Variants in TUSC3 observed in about 807,000 individuals in gnomAD.
The protein encoded by TUSC3 is tumor suppressor candidate 3, also known as dolichyl-diphosphooligosaccharide--protein glycosyltransferase subunit TUSC3.
A neutral mutation model predicts 44.8 loss-of-function variants in TUSC3; 45 were observed. That is an observed-to-expected ratio of 1.00 (90% CI 0.79 to 1.29). The LOEUF (loss-of-function observed/expected upper bound fraction) is 1.29. Among genes scored for constraint, TUSC3 ranks in the 50% most tolerant of loss-of-function variants. The pLI, the probability that TUSC3 is intolerant of heterozygous loss-of-function variation, is 0.00. For missense variants in TUSC3, 519 were observed against 437.9 expected, an observed-to-expected ratio of 1.19 and a Z score of -1.65; for synonymous variants, 212 against 152.9, an observed-to-expected ratio of 1.39 and a Z score of -2.85.
At chr8:15,842,387 G>C in the TUSC3 span, among the ~76,000 whole-genome samples, 18,227 of 152,112 alleles carry the variant, frequency 0.12, 1,220 homozygotes, top group Admixed American at 0.21. Flanking sequence ...ACTTGATATT[G>C]TACACAAAGC....
intron 3 of TUSC3, 34 bp downstream of exon 3, chr8:15,650,848 T>C: frequency 6.3e-7 from 1 of 1,583,952 alleles, no homozygotes; most frequent in Admixed American, 1.7e-5. Flanking sequence ...ATATTTAACA[T>C]AGTTGTTTGT....
chr8:15,564,299 A>C (rs1802585523), intron 1 of TUSC3, among the ~76,000 whole-genome samples: 2 of 152,164 alleles, frequency 1.3e-5, no homozygotes, highest in Non-Finnish European at 1.5e-5. Context: ...TTTCTCTAAC[A>C]GCTAAAATAA....
Position 15,672,572 on chromosome 8 carries a change from TATG to T in TUSC3, c.709-1172_709-1170del, listed in dbSNP as rs1450060895. Among the ~76,000 whole-genome samples the T allele has an allele frequency of 1.5e-4, 23 of 152,104 alleles. 1 individual carries two copies. The Middle Eastern group carries it at 0.01, about 67-fold the overall frequency. ...TTTATAAGCCTCCATTCCCAAGTAT[TATG>T]ATAAAATTCTAGGCAAGGTACTTTA... On this transcript the variant is annotated intron_variant, in intron 5 of 10. Transcript: ENST00000503731.
chr8:15,536,136 AG>A, upstream of TUSC3, among the ~76,000 whole-genome samples: 1 of 152,326 alleles, frequency 6.6e-6, no homozygotes, highest in Non-Finnish European at 1.5e-5. Flanking sequence ...GTTCCAACAA[AG>A]GGAACAGCAG....
chr8:15,618,159 G>A (rs1344351123), intron 1 of TUSC3, among the ~76,000 whole-genome samples: 1 of 152,122 alleles, frequency 6.6e-6, no homozygotes, highest in African/African-American at 2.4e-5. Flanking sequence ...AGTCAGTAGC[G>A]GTGAGTGAGT....
chr8:15,840,899 G>A, the TUSC3 span, among the ~76,000 whole-genome samples: 2 of 152,158 alleles, frequency 1.3e-5, no homozygotes, highest in Non-Finnish European at 2.9e-5. Context: ...AATGGCAAAT[G>A]CAGTGCTCAT....
At chr8:15,443,347 TG>T (rs1800046288) in intron 1 of TUSC3, among the ~76,000 whole-genome samples, 1 of 117,242 alleles carries the variant, frequency 8.5e-6, no homozygotes, top group South Asian at 3.0e-4. Context: ...TGTGTGTGTG[TG>T]TGTGTGTGTG....
At chr8:15,550,151 C>T (rs923912714) in intron 1 of TUSC3, among the ~76,000 whole-genome samples, 2 of 151,732 alleles carry the variant, frequency 1.3e-5, no homozygotes, top group African/African-American at 2.4e-5. Context: ...CCGATTAGGT[C>T]AGGGGTCGTT....
chr8:15,418,920 C>A (rs548790683), intron 1 of TUSC3, among the ~76,000 whole-genome samples: 1 of 152,124 alleles, frequency 6.6e-6, no homozygotes. Context: ...ATAGGAGGAT[C>A]ACATGAGCCC....
intron 1 of TUSC3, among the ~76,000 whole-genome samples, chr8:15,466,957 G>T (rs1800422752): frequency 6.6e-6 from 1 of 151,938 alleles, no homozygotes; most frequent in South Asian, 2.1e-4. Flanking sequence ...TAGTTCCTGA[G>T]TACAGTATTT....
At chr8:15,843,320 A>G in the TUSC3 span, among the ~76,000 whole-genome samples, 3 of 152,164 alleles carry the variant, frequency 2.0e-5, no homozygotes, top group Non-Finnish European at 4.4e-5. Context: ...CGTTTGGAAA[A>G]GCTGGTGGAA....
chr8:15,585,327 C>G (rs751641168), intron 1 of TUSC3, among the ~76,000 whole-genome samples: 1 of 152,128 alleles, frequency 6.6e-6, no homozygotes, highest in Non-Finnish European at 1.5e-5. Context: ...TACAGTCTCA[C>G]CAATGCACCA....
Position 15,540,986 on chromosome 8 carries a change from A to G in TUSC3, c.138+418A>G, listed in dbSNP as rs1801669588. On this transcript the variant is annotated intron_variant, in intron 1 of 10. Transcript: ENST00000503731. Reference sequence around the variant, plus strand: ...TTCATTACCCATTTCAAGAAGCAACAGAACCTGTGCAGAGTGTGTTTTAAG... The same window carrying G: ...TTCATTACCCATTTCAAGAAGCAACGGAACCTGTGCAGAGTGTGTTTTAAG... 2.0e-5 allele frequency among the ~76,000 whole-genome samples: 3 copies of G among 152,244 alleles called. No individual in the cohort carries two copies. In the South Asian group the frequency reaches 6.2e-4, roughly 31 times the overall value.
chr8:15,734,064 A>G (rs146250692), intron 7 of TUSC3, among the ~76,000 whole-genome samples: 1 of 152,340 alleles, frequency 6.6e-6, no homozygotes, highest in Non-Finnish European at 1.5e-5. Context: ...TTATTTTTCA[A>G]TAATTTCTGA....
intron 1 of TUSC3, among the ~76,000 whole-genome samples, chr8:15,455,964 C>A (rs116372401): frequency 6.6e-6 from 1 of 152,148 alleles, no homozygotes; most frequent in Non-Finnish European, 1.5e-5. Flanking sequence ...TTCTGAAAGA[C>A]CTTTGCAGAT....
rs1406531237 is a variant in TUSC3 at position 15,594,943 on chromosome 8, T to C, written c.139-28137T>C. Among the ~76,000 whole-genome samples the C allele has an allele frequency of 2.6e-5, 4 of 152,206 alleles. No homozygotes were observed. The East Asian group carries it at 5.8e-4, about 22-fold the overall frequency. On this transcript the variant is annotated intron_variant, in intron 1 of 10. Transcript: ENST00000503731. ...TTGACTGGATGCGCGTCATCTTCAC[T>C]GCAATTGAGGGACCCTGGAAAGTTG...
chr8:15,555,411 C>T (rs1427234534), intron 1 of TUSC3, among the ~76,000 whole-genome samples: 1 of 149,358 alleles, frequency 6.7e-6, no homozygotes, highest in Non-Finnish European at 1.5e-5. Context: ...ATCCTCCCAC[C>T]TCAGCCTCCC....
rs11371796 is a variant in TUSC3, at chr8:15,467,277, C to CAA, written n.92-16091_92-16090dup. Among the ~76,000 whole-genome samples, 406 of 103,014 alleles carry CAA rather than the reference C, an allele frequency of 3.9e-3. 2 individuals are homozygous for CAA. The highest frequency in any genetic ancestry group is 0.02 in the South Asian group (67 of 3,298). 67.6% of individuals were successfully genotyped at this position (103,014 alleles called of 152,430 possible). ...GTATTAAATAGGAAAGTTCTTTAGC[C>CAA]AAAAAAAAAAAAAAAAAAAGTGTGT... On this transcript the variant is annotated intron_variant and non_coding_transcript_variant, in intron 1 of 5. Coordinates refer to the TUSC3 transcript ENST00000503191.
chr8:15,448,738 C>T (rs1800144806), intron 1 of TUSC3, among the ~76,000 whole-genome samples: 1 of 151,908 alleles, frequency 6.6e-6, no homozygotes, highest in Admixed American at 6.6e-5. Flanking sequence ...TTAATTGCAG[C>T]AAAAAGATAT....
Sources: allele counts gnomAD v4.1 joint callset (sites outside exome capture counted in the v4.1 genomes callset), GRCh38; gene constraint gnomAD v4.1.1; transcripts MANE v1.5; gene names NCBI Gene and HGNC (gene_info 2026-07-23, HGNC 2026-07-21).